Variants in DOCK3 observed in about 807,000 individuals in gnomAD.
DOCK3 encodes dedicator of cytokinesis 3, also known as dedicator of cytokinesis protein 3.
In DOCK3, 60 loss-of-function variants were observed where a neutral mutation model predicts 265.6. The ratio of observed to expected loss-of-function variants is 0.23; its 90% confidence interval spans 0.18 to 0.28. DOCK3 has a LOEUF of 0.28. Ranked by LOEUF, DOCK3 falls within the 10% of genes least tolerant of loss-of-function variation. The pLI, the probability that DOCK3 is intolerant of heterozygous loss-of-function variation, is 1.00. For missense variants in DOCK3, 1,981 were observed against 2,594.3 expected (o/e 0.76, Z 5.14); for synonymous variants, 881 against 938.0 (o/e 0.94, Z 1.11).
chr3:50,962,850 A>G (rs1394329202), intron 5 of DOCK3, among the ~76,000 whole-genome samples: 2 of 152,198 alleles, frequency 1.3e-5, no homozygotes, highest in African/African-American at 4.8e-5. Flanking sequence ...TGCTTTAGAA[A>G]TTAACCTCGA....
chr3:51,103,156 G>C (rs766749737), intron 9 of DOCK3, among the ~76,000 whole-genome samples: 10 of 151,862 alleles, frequency 6.6e-5, no homozygotes, highest in Non-Finnish European at 1.5e-4. Context: ...TTCTTTCAAG[G>C]GGCTCTAATG....
chr3:51,098,691 G>A (rs1411992428), intron 9 of DOCK3, among the ~76,000 whole-genome samples: 2 of 152,142 alleles, frequency 1.3e-5, no homozygotes, highest in Non-Finnish European at 2.9e-5. Flanking sequence ...TTGGTCCTTC[G>A]ACCCTAGGCC....
At chr3:51,143,627 T>C (rs1455921039) in intron 9 of DOCK3, among the ~76,000 whole-genome samples, 1 of 152,214 alleles carries the variant, frequency 6.6e-6, no homozygotes, top group African/African-American at 2.4e-5. Context: ...CTTGTGCTTA[T>C]TTGCCATCTC....
Position 50,682,414 on chromosome 3 carries a change from C to T in DOCK3, c.37+7114C>T, listed in dbSNP as rs181445077. 2.6e-3 allele frequency among the ~76,000 whole-genome samples: 403 copies of T among 152,316 alleles called. 5 individuals carry two copies. Among genetic ancestry groups the T allele is most frequent in the Non-Finnish European group, 4.9e-3 (330 of 68,018 alleles). ...ACAGAGTGCCTTTCCCCCATGTCTTCATTTCTTAAATTATTTCCAGCCTGC... is the reference window on the plus strand; with the variant it reads ...ACAGAGTGCCTTTCCCCCATGTCTTTATTTCTTAAATTATTTCCAGCCTGC... On this transcript the variant is annotated intron_variant, in intron 1 of 52. Coordinates refer to ENST00000266037, the MANE Select transcript of DOCK3 (RefSeq NM_004947.5).
chr3:51,367,683 C>T (rs966556969), intron 49 of DOCK3, among the ~76,000 whole-genome samples: 1 of 152,138 alleles, frequency 6.6e-6, no homozygotes, highest in Admixed American at 6.5e-5. Flanking sequence ...TAAGGTAGGC[C>T]TGGTGGTGAC....
intron 10 of DOCK3, among the ~76,000 whole-genome samples, chr3:51,152,490 T>A (rs1329237209): frequency 6.6e-6 from 1 of 152,228 alleles, no homozygotes; most frequent in Non-Finnish European, 1.5e-5. Context: ...TGAAGCCTAC[T>A]TCTGTCAACT....
At chr3:51,184,823 C>T (rs2087503092) in intron 12 of DOCK3, among the ~76,000 whole-genome samples, 1 of 152,138 alleles carries the variant, frequency 6.6e-6, no homozygotes, top group Admixed American at 6.6e-5. Flanking sequence ...AGAAACCTGA[C>T]AAGCACTACT....
intron 5 of DOCK3, among the ~76,000 whole-genome samples, chr3:51,053,092 T>G (rs1398909770): frequency 1.5e-3 from 116 of 77,618 alleles, no homozygotes; most frequent in African/African-American, 5.3e-3. Context: ...TATATATATA[T>G]ATATATATAT....
intron 23 of DOCK3, among the ~76,000 whole-genome samples, chr3:51,267,938 C>T (rs1321236289): frequency 6.6e-6 from 1 of 151,902 alleles, no homozygotes; most frequent in Non-Finnish European, 1.5e-5. Flanking sequence ...GGGAGGTAAA[C>T]AATGAGAACA....
At chr3:51,009,546 T>G (rs9681865) in intron 5 of DOCK3, among the ~76,000 whole-genome samples, 115,325 of 151,890 alleles carry the variant, frequency 0.76, 44,785 homozygotes, top group Middle Eastern at 0.88. Context: ...CTATCAATTT[T>G]GTTGATCTTT....
At chr3:51,148,359 T>G (rs980571306) in intron 10 of DOCK3, among the ~76,000 whole-genome samples, 2 of 152,236 alleles carry the variant, frequency 1.3e-5, no homozygotes, top group Non-Finnish European at 2.9e-5. Flanking sequence ...AGATCCCATT[T>G]GTCAATTTTG....
intron 32 of DOCK3, among the ~76,000 whole-genome samples, chr3:51,328,604 T>TA (rs372897781): frequency 0.011 from 1,498 of 134,212 alleles, 15 homozygotes; most frequent in African/African-American, 0.028. Flanking sequence ...AGACCACTAT[T>TA]AAAAAAAAAA....
intron 14 of DOCK3, among the ~76,000 whole-genome samples, chr3:51,216,868 A>T (rs2089815381): frequency 1.3e-5 from 2 of 152,292 alleles, no homozygotes; most frequent in South Asian, 4.1e-4. Flanking sequence ...CTCTACCTGC[A>T]GCTAGTCCAC....
rs1057024072 is a variant in DOCK3, at chr3:50,803,955, C to T, written c.121+25197C>T. On this transcript the variant is annotated intron_variant, in intron 2 of 52. Transcript: ENST00000266037. The stretch of plus-strand genomic sequence containing the variant: ...CTCACTTCCCAGATGGGGCGGCTGC[C>T]GGGCAGAGGGGCTCCTCACTTCTCA... 3.4e-4 allele frequency among the ~76,000 whole-genome samples: 51 copies of T among 148,344 alleles called. No individual in the cohort carries two copies. In the Middle Eastern group the frequency reaches 0.011, roughly 32 times the overall value.
chr3:50,964,265 T>G (rs1575623027), intron 5 of DOCK3, among the ~76,000 whole-genome samples: 2 of 152,256 alleles, frequency 1.3e-5, no homozygotes, highest in Admixed American at 6.5e-5. Context: ...TTATAGAAAT[T>G]TAGAAACACT....
chr3:51,344,224 G>A (rs2085415711), intron 38 of DOCK3, among the ~76,000 whole-genome samples: 1 of 152,190 alleles, frequency 6.6e-6, no homozygotes, highest in Admixed American at 6.5e-5. Flanking sequence ...CTGCCAGACA[G>A]GTGGCCCATG....
chr3:50,894,655 A>ACT (rs776948325), intron 4 of DOCK3, among the ~76,000 whole-genome samples: 7 of 152,164 alleles, frequency 4.6e-5, no homozygotes, highest in Non-Finnish European at 1.0e-4. Flanking sequence ...TAACTACAAA[A>ACT]ACTTGTTAGT....
At chr3:51,139,260 G>A (rs567239287) in intron 9 of DOCK3, among the ~76,000 whole-genome samples, 2 of 150,474 alleles carry the variant, frequency 1.3e-5, no homozygotes, top group Non-Finnish European at 3.0e-5. Context: ...GCAGTGGGGG[G>A]AGGGCTAAGA....
intron 36 of DOCK3, 27 bp downstream of exon 36, chr3:51,338,446 C>G (rs569468828): frequency 2.4e-5 from 38 of 1,551,398 alleles, no homozygotes; most frequent in Non-Finnish European, 2.9e-5. Context: ...CCTGACTTCT[C>G]TCTGCCTACT....
Sources: gnomAD v4.1 joint callset for allele counts (sites outside exome capture counted in the v4.1 genomes callset) on GRCh38, gnomAD v4.1.1 for gene constraint, MANE v1.5 for transcripts, NCBI Gene and HGNC (gene_info 2026-07-23, HGNC 2026-07-21) for gene names.